Variants in TSPEAR observed in about 807,000 individuals in gnomAD.
The protein encoded by TSPEAR is thrombospondin-type laminin G domain and EAR repeat-containing protein.
Under a neutral mutation model 71.6 loss-of-function variants are expected in TSPEAR, and 69 were observed. The observed-to-expected ratio is 0.96, with a 90% confidence interval of 0.79 to 1.18. The LOEUF (loss-of-function observed/expected upper bound fraction) is 1.18, where lower values mean the gene tolerates loss of function less well. Among genes scored for constraint, TSPEAR ranks in the 50% most tolerant of loss-of-function variants. TSPEAR has a pLI of 0.00. For synonymous variants in TSPEAR, 402 were observed against 387.2 expected (o/e 1.04, Z -0.45); for missense variants, 971 against 894.9 (o/e 1.09, Z -1.09).
chr21:44,581,716 A>G (rs151302219), intron 1 of TSPEAR, among the ~76,000 whole-genome samples: 164 of 152,160 alleles, frequency 1.1e-3, no homozygotes, highest in African/African-American at 3.7e-3. Context: ...TCCTTTTGTG[A>G]CTTTAATTTT....
At chr21:44,613,047 C>A in intron 1 of TSPEAR, 1 of 1,004,754 alleles carries the variant, frequency 1.0e-6, no homozygotes, top group Non-Finnish European at 1.4e-6. Flanking sequence ...AGCCTCCATC[C>A]TCACTGCTCC....
intron 1 of TSPEAR, among the ~76,000 whole-genome samples, chr21:44,577,652 C>T (rs148961131): frequency 9.2e-5 from 14 of 152,358 alleles, no homozygotes; most frequent in South Asian, 2.1e-4. Flanking sequence ...CTGCCTCCAA[C>T]ACGGGATCAT....
At chr21:44,658,627 GC>G (rs1459803702) in intron 1 of TSPEAR, among the ~76,000 whole-genome samples, 1 of 152,190 alleles carries the variant, frequency 6.6e-6, no homozygotes, top group Non-Finnish European at 1.5e-5. Context: ...TCTTCAGAGA[GC>G]CACCTTCCTG....
chr21:44,674,379 C>T (rs367971743), intron 1 of TSPEAR, among the ~76,000 whole-genome samples: 46 of 151,708 alleles, frequency 3.0e-4, no homozygotes, highest in African/African-American at 1.1e-3. Flanking sequence ...TACACAAAAT[C>T]AGAAATGAAA....
chr21:44,704,830 G>C (rs1438938027), intron 1 of TSPEAR, among the ~76,000 whole-genome samples: 8 of 95,624 alleles, frequency 8.4e-5, no homozygotes, highest in Non-Finnish European at 2.2e-4. Flanking sequence ...GTCACGTCAC[G>C]GCCCCGGCAC....
At chr21:44,674,996 C>T (rs183742134) in intron 1 of TSPEAR, among the ~76,000 whole-genome samples, 67 of 152,094 alleles carry the variant, frequency 4.4e-4, no homozygotes, top group Non-Finnish European at 7.6e-4. Context: ...TTATACCAAA[C>T]ACATGAAGAA....
At chr21:44,516,797 C>G (rs1267286189) in intron 9 of TSPEAR, among the ~76,000 whole-genome samples, 1 of 152,010 alleles carries the variant, frequency 6.6e-6, no homozygotes, top group Non-Finnish European at 1.5e-5. Context: ...CCTGCTTCGT[C>G]CTTGGACCTG....
At chr21:44,605,469 A>C (rs1555929670) in intron 1 of TSPEAR, among the ~76,000 whole-genome samples, 2 of 152,240 alleles carry the variant, frequency 1.3e-5, no homozygotes, top group African/African-American at 4.8e-5. Flanking sequence ...AATTCATATG[A>C]AACCATAAAA....
In TSPEAR at chr21:44,646,638, G is replaced by A. The variant is rs587631136; in HGVS notation, c.82+64795C>T. On this transcript the variant is annotated intron_variant, in intron 1 of 11. Coordinates refer to ENST00000323084, the MANE Select transcript of TSPEAR (RefSeq NM_144991.3). ...GTGTGTCCAGCCCCTGCTGCCAGGCGGCCTGTGAGCCCAGCGCCTGCCAAT... is the reference window on the plus strand; with the variant it reads ...GTGTGTCCAGCCCCTGCTGCCAGGCAGCCTGTGAGCCCAGCGCCTGCCAAT... 4.6e-4 allele frequency: 737 copies of A among 1,613,310 alleles called. 11 individuals are homozygous for A. In the South Asian group the frequency reaches 6.9e-3, roughly 15 times the overall value.
At chr21:44,518,927 T>C (rs2145953886) in intron 9 of TSPEAR, 1 of 248,234 alleles carries the variant, frequency 4.0e-6, no homozygotes, top group Middle Eastern at 5.2e-4. Flanking sequence ...CCCCGGGTGT[T>C]TCCACGGGAA....
chr21:44,638,979 C>G (rs149160314), intron 1 of TSPEAR, among the ~76,000 whole-genome samples: 2,076 of 152,100 alleles, frequency 0.014, 54 homozygotes, highest in African/African-American at 0.047. Context: ...GGACCACGCC[C>G]TCCCCCAGGA....
intron 2 of TSPEAR, chr21:44,551,384 G>A: frequency 6.2e-7 from 1 of 1,613,330 alleles, no homozygotes; most frequent in Non-Finnish European, 8.5e-7. Flanking sequence ...GCTCACAGCA[G>A]CTCTCTGGGC....
rs114723449 is a variant in TSPEAR at position 44,542,373 on chromosome 21, T to A, written c.304-8450A>T. Among the ~76,000 whole-genome samples, 319 of 151,172 alleles carry A rather than the reference T, an allele frequency of 2.1e-3. 4 individuals carry two copies. Among genetic ancestry groups the A allele is most frequent in the Middle Eastern group, 0.014 (4 of 294 alleles). ...GATTGAAATCCTACAAGGAGAGGAG[T>A]GAAATAGGGGTAGTAAAATATTTGA... On this transcript the variant is annotated intron_variant, in intron 2 of 11. Coordinates refer to ENST00000323084, the MANE Select transcript of TSPEAR (RefSeq NM_144991.3).
Position 44,525,791 on chromosome 21 carries a change from A to G in TSPEAR, c.1198T>C (p.Phe400Leu). Reference protein sequence around the residue: ...NFEPDEKGQEFSVIYKWSHRK... With the variant: ...NFEPDEKGQELSVIYKWSHRK... ...TGGCTCCATTTGTAAATGACAGAGA[A>G]CTCCTGACCCTTCTCATCTGGTTCA... The change falls in exon 8 of 12, where the codon TTC becomes CTC. Residue 400 changes from phenylalanine (F) to leucine (L), a missense_variant. Coordinates refer to ENST00000323084, the MANE Select transcript of TSPEAR (RefSeq NM_144991.3). 6.2e-7 allele frequency: 1 copy of G among 1,613,674 alleles called. No homozygotes were observed. Among genetic ancestry groups the G allele is most frequent in the Non-Finnish European group, 8.5e-7 (1 of 1,179,922 alleles).
At chr21:44,690,122 T>C (rs1555949573) in intron 1 of TSPEAR, among the ~76,000 whole-genome samples, 2 of 151,884 alleles carry the variant, frequency 1.3e-5, no homozygotes, top group African/African-American at 4.8e-5. Flanking sequence ...GTATTAACCA[T>C]CACCATGAGG....
intron 1 of TSPEAR, chr21:44,602,282 AGGCGTCCTG>A (rs1460677215): frequency 1.2e-5 from 2 of 164,100 alleles, no homozygotes; most frequent in African/African-American, 4.8e-5. Context: ...TGTCCTTCCC[AGGCGTCCTG>A]GCAGCCCTGC....
chr21:44,554,398 C>A (rs969442185), intron 2 of TSPEAR, among the ~76,000 whole-genome samples: 1 of 152,118 alleles, frequency 6.6e-6, no homozygotes, highest in African/African-American at 2.4e-5. Context: ...TATAGCAGCC[C>A]CAACTGACTG....
chr21:44,711,392 G>A lies in TSPEAR; in HGVS notation c.82+41C>T, dbSNP rs782011352. 1.3e-6 allele frequency: 2 copies of A among 1,541,738 alleles called. No individual in the cohort carries two copies. Among genetic ancestry groups the A allele is most frequent in the Admixed American group, 2.0e-5 (1 of 50,938 alleles). ...GACTCGACACCCCTCCCAGCTCCCC[G>A]GCAAGATACCCCCGCCCGAGTTCCC... On this transcript the variant is annotated intron_variant, in intron 1 of 11. Transcript: ENST00000323084. The surrounding 1 kb of genome is among the most constrained non-coding windows in gnomAD (Gnocchi z 4.5).
chr21:44,568,050 A>C (rs2053726329), intron 1 of TSPEAR, 45 bp from the exon 2 acceptor site: 1 of 1,443,650 alleles, frequency 6.9e-7, no homozygotes, highest in Admixed American at 2.4e-5. Flanking sequence ...GACACCCCCA[A>C]AAGTGGATAC....
Sources: allele counts gnomAD v4.1 joint callset (sites outside exome capture counted in the v4.1 genomes callset), GRCh38; gene constraint gnomAD v4.1.1; non-coding constraint Gnocchi (gnomAD v3.1); transcripts MANE v1.5; gene names NCBI Gene and HGNC (gene_info 2026-07-23, HGNC 2026-07-21).